KNG1: variants seen among roughly 807,000 people sequenced by gnomAD.
KNG1 encodes kininogen-1.
A neutral mutation model predicts 47.8 loss-of-function variants in KNG1; 23 were observed. The ratio of observed to expected loss-of-function variants is 0.48; its 90% CI spans 0.35 to 0.68. The LOEUF is 0.68. Ranked by LOEUF, KNG1 falls within the 30% of genes least tolerant of loss-of-function variation. KNG1 has a pLI of 0.01. For synonymous variants in KNG1, 277 were observed against 277.0 expected (o/e 1.00, Z 0.00); for missense variants, 762 against 790.2 (o/e 0.96, Z 0.43).
chr3:186,730,723 C>A (rs1276685559), intron 5 of KNG1, among the ~76,000 whole-genome samples: 1 of 115,640 alleles, frequency 8.6e-6, no homozygotes, highest in Non-Finnish European at 1.7e-5. Context: ...TATACACACA[C>A]ACACACATAT....
chr3:186,718,804 G>T (rs1278545142), intron 1 of KNG1, among the ~76,000 whole-genome samples: 3 of 152,166 alleles, frequency 2.0e-5, no homozygotes, highest in African/African-American at 7.2e-5. Flanking sequence ...AGTCTGTATG[G>T]CTGAATGTAC....
At chr3:186,733,268 A>C (rs1402704574) in intron 7 of KNG1, among the ~76,000 whole-genome samples, 1 of 149,826 alleles carries the variant, frequency 6.7e-6, no homozygotes, top group African/African-American at 2.5e-5. Flanking sequence ...ATAAATAAAT[A>C]AATACAATAG....
intron 9 of KNG1, among the ~76,000 whole-genome samples, chr3:186,741,257 G>A (rs935334872): frequency 1.3e-5 from 2 of 152,144 alleles, no homozygotes; most frequent in Admixed American, 6.6e-5. Flanking sequence ...GTCTCCCAAA[G>A]TGCTGAGATT....
intron 2 of KNG1, chr3:186,721,071 G>T (rs1720183345): frequency 6.6e-6 from 1 of 152,208 alleles, no homozygotes; most frequent in Non-Finnish European, 1.5e-5. Flanking sequence ...TTACAGGCGT[G>T]AGCCACCACG....
In KNG1 at chr3:186,727,569, A is replaced by G. The variant is rs367901044; in HGVS notation, c.672+225A>G. Among the ~76,000 whole-genome samples the G allele has an allele frequency of 8.9e-4, 135 of 152,136 alleles. 3 individuals are homozygous for G. In the South Asian group the frequency reaches 0.027, roughly 31 times the overall value. On this transcript the variant is annotated intron_variant, in intron 5 of 9. Transcript: ENST00000644859. ...GCAATAAGTATTTTTTTATAACTTT[A>G]TTTTATTTTATTTATTTTTTGAGAC...
At chr3:186,724,227 A>T (rs1648713) in intron 3 of KNG1, among the ~76,000 whole-genome samples, 82,117 of 151,978 alleles carry the variant, frequency 0.54, 22,376 homozygotes, top group Middle Eastern at 0.62. Context: ...TTTTCTCCAT[A>T]TCCTCCTGGC....
Position 186,730,920 on chromosome 3 carries a change from T to C in KNG1, c.673-625T>C, listed in dbSNP as rs978197708. ...TTATTTTTTATTCACTTGCCCTGTCTTAGATTTGTAATTGCATACTAAATT... is the reference window on the plus strand; with the variant it reads ...TTATTTTTTATTCACTTGCCCTGTCCTAGATTTGTAATTGCATACTAAATT... On this transcript the variant is annotated intron_variant, in intron 5 of 9. Transcript: ENST00000644859. Among the ~76,000 whole-genome samples, 3 of 151,814 alleles carry C rather than the reference T, an allele frequency of 2.0e-5. No individual in the cohort carries two copies. In the East Asian group the frequency reaches 5.8e-4, roughly 29 times the overall value.
At chr3:186,727,042 T>TGTGTG (rs376637646) in intron 4 of KNG1, among the ~76,000 whole-genome samples, 195 bp from the exon 5 acceptor site, 3,796 of 143,928 alleles carry the variant, frequency 0.026, 74 homozygotes, top group Middle Eastern at 0.043. Flanking sequence ...GTGTGTGTGT[T>TGTGTG]TGTGTGAGAG....
intron 6 of KNG1, among the ~76,000 whole-genome samples, chr3:186,731,881 G>A (rs1369834203): frequency 3.3e-5 from 5 of 152,212 alleles, no homozygotes; most frequent in Non-Finnish European, 5.9e-5. Flanking sequence ...GGCAAAGTTG[G>A]CCTTTGGGTA....
chr3:186,737,492 T>C (rs988870302), intron 7 of KNG1, among the ~76,000 whole-genome samples: 1 of 152,162 alleles, frequency 6.6e-6, no homozygotes, highest in East Asian at 1.9e-4. Context: ...AAGAAAGGCC[T>C]TCCTCATCCT....
At chr3:186,730,731 TATATATATACAC>T (rs1174258091) in intron 5 of KNG1, among the ~76,000 whole-genome samples, 16 of 44,728 alleles carry the variant, frequency 3.6e-4, no homozygotes, top group African/African-American at 1.2e-3. Flanking sequence ...CACACACACA[TATATATATACAC>T]ATATATATAT....
rs778525688 is a variant in KNG1, at chr3:186,722,536, C to G, written c.391+15C>G. 2.5e-6 allele frequency: 4 copies of G among 1,584,070 alleles called. No homozygotes were observed. The South Asian group carries it at 4.4e-5, about 18-fold the overall frequency. On this transcript the variant is annotated intron_variant, in intron 3 of 9. Coordinates refer to ENST00000644859, the MANE Select transcript of KNG1 (RefSeq NM_001102416.3). ...GATTACTCCAGGTGGCTGGTTTATC[C>G]TCTGGCACTGCCCTGGTGGGAAATT...
chr3:186,741,876 GGA>G lies in KNG1; in HGVS notation c.1481_1482del (p.Gly494AlafsTer2). On this transcript the variant is annotated frameshift_variant, in exon 10 of 10. Transcript: ENST00000644859. LOFTEE classifies it low-confidence loss of function (END_TRUNC). ...CCAAGGGGGCCATGTCCTTGACCAT[GGA>G]CATAAGCATAAGCATGGTCATGGCC... Reference protein sequence around the residue: ...EHQGGHVLDHGHKHKHGHGHG... With the variant: ...EHQGGHVLDHXHKHKHGHGHG... 6.2e-7 allele frequency: 1 copy of G among 1,613,902 alleles called. No homozygotes were observed.
chr3:186,735,421 C>T (rs1720647378), intron 7 of KNG1, among the ~76,000 whole-genome samples: 1 of 152,072 alleles, frequency 6.6e-6, no homozygotes, highest in Non-Finnish European at 1.5e-5. Flanking sequence ...AGTTCGAGAC[C>T]AGCCTGACCA....
In KNG1 at chr3:186,741,513, T is replaced by G. The variant is rs1720808977; in HGVS notation, c.1126-9T>G. Reference sequence around the variant, plus strand: ...CAGTAATACATTCATCTTAATATTTTCTGTTTAGATCTCACTGATGAAAAG... The same window carrying G: ...CAGTAATACATTCATCTTAATATTTGCTGTTTAGATCTCACTGATGAAAAG... On this transcript the variant is annotated splice_polypyrimidine_tract_variant and intron_variant, in intron 9 of 9. Transcript: ENST00000644859. 1 of 1,605,506 alleles carries G rather than the reference T, an allele frequency of 6.2e-7. No homozygotes were observed. The highest frequency in any genetic ancestry group is 8.5e-7 in the Non-Finnish European group (1 of 1,177,530).
intron 1 of KNG1, among the ~76,000 whole-genome samples, chr3:186,719,238 A>G (rs1193880395): frequency 6.6e-6 from 1 of 152,156 alleles, no homozygotes; most frequent in African/African-American, 2.4e-5. Context: ...TTAGTGGGTA[A>G]ATTTTATGGC....
At chr3:186,722,229 C>CATTTA (rs1478764204) in intron 2 of KNG1, 1 of 564,732 alleles carries the variant, frequency 1.8e-6, no homozygotes, top group Non-Finnish European at 3.2e-6. Context: ...TGTCTTTCCT[C>CATTTA]CAGCATCTCA....
chr3:186,737,774 G>A (rs1020747026), intron 7 of KNG1, among the ~76,000 whole-genome samples: 18 of 151,932 alleles, frequency 1.2e-4, no homozygotes, highest in African/African-American at 3.9e-4. Flanking sequence ...TAGCCAGGAC[G>A]GTCTCGAACC....
In KNG1 at chr3:186,743,135, T is replaced by C. The variant is rs1245842151; in HGVS notation, c.*804T>C. The C allele has an allele frequency of 1.8e-5, 3 of 170,878 alleles. No individual in the cohort carries two copies. Among genetic ancestry groups the C allele is most frequent in the African/African-American group, 2.4e-5 (1 of 41,742 alleles). 10.6% of individuals were successfully genotyped at this position (170,878 alleles called of 1,614,324 possible). A position where few individuals can be genotyped will look rare whatever the true frequency, so the allele number is the denominator to read the frequency against. On this transcript the variant is annotated 3_prime_UTR_variant, in exon 10 of 10. Coordinates refer to ENST00000644859, the MANE Select transcript of KNG1 (RefSeq NM_001102416.3). ...AACAGGCTTTCATATAGAAGTATTC[T>C]GTTTATTTTTGCTGAGCCTAGATTG...
Sources: gnomAD v4.1 joint callset for allele counts (sites outside exome capture counted in the v4.1 genomes callset) on GRCh38, gnomAD v4.1.1 for gene constraint, MANE v1.5 for transcripts, NCBI Gene and HGNC (gene_info 2026-07-23, HGNC 2026-07-21) for gene names.